The following SOS2 variants were observed in gnomAD, a reference collection of about 807,000 sequenced individuals.
SOS2 encodes SOS Ras/Rho guanine nucleotide exchange factor 2, also known as son of sevenless homolog 2.
SOS2 carries 65 observed loss-of-function variants against 148.2 expected under a neutral mutation model. The observed-to-expected ratio is 0.44, with a 90% CI of 0.36 to 0.54. The LOEUF (loss-of-function observed/expected upper bound fraction) is 0.54, where lower values mean the gene tolerates loss of function less well. Among genes scored for constraint, SOS2 ranks in the 20% least tolerant of loss-of-function variants. The probability of loss-of-function intolerance (pLI) is 0.00; values close to 1 mark genes in which losing one functional copy is unlikely to be tolerated. For synonymous variants in SOS2, 539 were observed against 537.1 expected (o/e 1.00, Z -0.05); for missense variants, 1,341 against 1,590.2 (o/e 0.84, Z 2.67).
chr14:50,182,064 A>G (rs1885760125), intron 6 of SOS2, among the ~76,000 whole-genome samples: 1 of 151,912 alleles, frequency 6.6e-6, no homozygotes, highest in African/African-American at 2.4e-5. Context: ...CTTTCACTAT[A>G]AATATTGCCA....
In SOS2 at chr14:50,130,546, A is replaced by C; in HGVS notation, c.3292T>G (p.Ser1098Ala). ...TPSTPPVSAS[S>A]DLSVFLDVDL... is the part of the protein sequence containing the mutation. ...ACATCTAAAAATACACTAAGGTCTG[A>C]AGAAGCAGATACTGGTGGAGTAGAT... Residue 1098 changes from serine (S) to alanine (A), a missense_variant, in exon 20 of 23, where the codon TCA (serine) becomes GCA (alanine). By Grantham distance (99) the Ser-to-Ala change is moderately conservative. Coordinates refer to ENST00000216373, the MANE Select transcript of SOS2 (RefSeq NM_006939.4). The C allele has an allele frequency of 6.2e-7, 1 of 1,614,042 alleles. No homozygotes were observed. The highest frequency in any genetic ancestry group is 1.1e-5 in the South Asian group (1 of 91,082).
chr14:50,159,816 T>C lies in SOS2; in HGVS notation c.1467A>G (p.Lys489=). Residue 489 remains lysine (K), a synonymous_variant, in exon 10 of 23, where the codon AAA becomes AAG. Coordinates refer to ENST00000216373, the MANE Select transcript of SOS2 (RefSeq NM_006939.4). ...GTATTTTCCTCATGACAAATTTTTC[T>C]TTTAACCTGTATTCTGCACTACTGT... ...PGYSSAEYRL[K]EKFVMRKIQI... 6.2e-7 allele frequency: 1 copy of C among 1,614,186 alleles called. No individual in the cohort carries two copies. Among genetic ancestry groups the C allele is most frequent in the Non-Finnish European group, 8.5e-7 (1 of 1,180,028 alleles).
intron 4 of SOS2, among the ~76,000 whole-genome samples, chr14:50,193,752 A>ATT (rs35785466): frequency 6.8e-4 from 98 of 143,894 alleles, no homozygotes; most frequent in African/African-American, 2.2e-3. Flanking sequence ...AGTCATCGGG[A>ATT]TTTTTTTTTT....
intron 1 of SOS2, among the ~76,000 whole-genome samples, chr14:50,211,356 G>C (rs1344366765): frequency 6.6e-6 from 1 of 151,978 alleles, no homozygotes; most frequent in Non-Finnish European, 1.5e-5. Flanking sequence ...TTAGATTAAG[G>C]GGGTATATGT....
chr14:50,220,879 TAAAGGCAGGTC>T (rs989935617), intron 1 of SOS2, among the ~76,000 whole-genome samples: 1 of 152,180 alleles, frequency 6.6e-6, no homozygotes, highest in Admixed American at 6.5e-5. Flanking sequence ...CACCTTCCCA[TAAAGGCAGGTC>T]ATTTGCTTGT....
intron 7 of SOS2, among the ~76,000 whole-genome samples, chr14:50,177,762 A>G (rs1340991766): frequency 6.6e-6 from 1 of 152,296 alleles, no homozygotes; most frequent in East Asian, 1.9e-4. Flanking sequence ...GGAAGATAAT[A>G]AACAATGGGA....
Position 50,190,198 on chromosome 14 carries a change from T to A in SOS2, c.511-1498A>T, listed in dbSNP as rs1886083888. 2.0e-5 allele frequency among the ~76,000 whole-genome samples: 3 copies of A among 151,920 alleles called. No individual in the cohort carries two copies. The South Asian group carries it at 6.2e-4, about 31-fold the overall frequency. ...TAATAATACTTTTTTTTAAAAAAAA[T>A]GATTGGACCTAGTTAATTATATATT... On this transcript the variant is annotated intron_variant, in intron 4 of 22. Transcript: ENST00000216373.
chr14:50,118,678 C>G lies in SOS2; in HGVS notation c.3665G>C (p.Arg1222Pro). ...ACAGTTTATAAAGTGTTCTGGAGGC[C>G]GAAGGGGAACTGGTGGAGGGGTATC... ...LPDTPPPVPL[R>P]PPEHFINCPF... Residue 1222 changes from arginine to proline, a missense_variant, in exon 23 of 23, where the codon CGG (arginine) becomes CCG (proline). This residue lies in a region of SOS2 where 354 missense variants were observed against 347.7 expected (regional missense o/e 1.02). Transcript: ENST00000216373. 1 of 1,612,334 alleles carries G rather than the reference C, an allele frequency of 6.2e-7. No individual in the cohort carries two copies. The highest frequency in any genetic ancestry group is 8.5e-7 in the Non-Finnish European group (1 of 1,179,628).
chr14:50,189,739 G>T (rs1321779925), intron 4 of SOS2, among the ~76,000 whole-genome samples: 1 of 152,142 alleles, frequency 6.6e-6, no homozygotes, highest in Non-Finnish European at 1.5e-5. Flanking sequence ...TTAAATTGTT[G>T]TAGCAACCAC....
chr14:50,215,079 G>A (rs1019826317), intron 1 of SOS2, among the ~76,000 whole-genome samples: 4 of 151,490 alleles, frequency 2.6e-5, no homozygotes. Flanking sequence ...CTCGTGATCT[G>A]CCCGCCTCGT....
At position 50,201,532 on chromosome 14, in the gene SOS2, GAA is replaced by G. The variant is rs11342999; in HGVS notation, c.214-450_214-449del. ...CTGGGTGAGAGGGAGACCCCCAACA[GAA>G]AAAAAAAAAAAAAAAAAGGTCAACA... On this transcript the variant is annotated intron_variant, in intron 2 of 22. Coordinates refer to ENST00000216373, the MANE Select transcript of SOS2 (RefSeq NM_006939.4). Among the ~76,000 whole-genome samples the G allele has an allele frequency of 9.8e-3, 886 of 90,576 alleles. 6 individuals are homozygous for G. Among genetic ancestry groups the G allele is most frequent in the African/African-American group, 0.018 (421 of 22,912 alleles). 59.4% of individuals were successfully genotyped at this position (90,576 alleles called of 152,430 possible).
chr14:50,215,408 T>C (rs937420663), intron 1 of SOS2: 1 of 1,284,932 alleles, frequency 7.8e-7, no homozygotes, highest in Non-Finnish European at 1.0e-6. Context: ...AAGAGGACAA[T>C]GGAAGAGAAC....
At chr14:50,219,418 A>C (rs367569102) in intron 1 of SOS2, among the ~76,000 whole-genome samples, 11 of 152,230 alleles carry the variant, frequency 7.2e-5, no homozygotes, top group African/African-American at 2.4e-4. Context: ...CAGATTGAAA[A>C]AAAAGAGTAT....
Position 50,118,822 on chromosome 14 carries a change from G to A in SOS2, c.3521C>T (p.Ala1174Val), listed in dbSNP as rs1205489039. Residue 1174 changes from alanine (A) to valine (V), a missense_variant, in exon 23 of 23, where the codon GCT becomes GTT. Around this residue, in one of 4 missense-constraint regions of SOS2, gnomAD observed 354 missense variants for 347.7 expected, o/e 1.02. Coordinates refer to ENST00000216373, the MANE Select transcript of SOS2 (RefSeq NM_006939.4). The stretch of plus-strand genomic sequence containing the variant: ...AGGAGGAGGCTGTCTCGGTGGAATA[G>A]CAGGAGGATCATCATCAGATTTCAT... ...GNMKSDDDPP[A>V]IPPRQPPPPK... The A allele has an allele frequency of 5.3e-6, 8 of 1,500,724 alleles. No homozygotes were observed. Among genetic ancestry groups the A allele is most frequent in the Non-Finnish European group, 7.2e-6 (8 of 1,118,004 alleles). 93.0% of individuals were successfully genotyped at this position (1,500,724 alleles called of 1,614,324 possible).
chr14:50,170,130 A>G (rs1885313621), intron 8 of SOS2, among the ~76,000 whole-genome samples: 1 of 146,942 alleles, frequency 6.8e-6, no homozygotes, highest in Non-Finnish European at 1.5e-5. Context: ...ACAAGGTCTC[A>G]CTTTGTTGCC....
chr14:50,132,389 G>A (rs1343512274), intron 19 of SOS2, among the ~76,000 whole-genome samples: 1 of 145,240 alleles, frequency 6.9e-6, no homozygotes, highest in Non-Finnish European at 1.5e-5. Flanking sequence ...GGCTGGGCAT[G>A]GTGGCTCACA....
At chr14:50,201,843 G>C (rs1543425) in intron 2 of SOS2, among the ~76,000 whole-genome samples, 133,152 of 152,190 alleles carry the variant, frequency 0.87, 58,329 homozygotes, top group East Asian at 0.91. Flanking sequence ...AAATAAAAGA[G>C]GTCATGTATC....
At chr14:50,212,195 G>T (rs747700403) in intron 1 of SOS2, among the ~76,000 whole-genome samples, 10 of 152,244 alleles carry the variant, frequency 6.6e-5, no homozygotes, top group Admixed American at 2.0e-4. Context: ...ATCAAAACAG[G>T]CCAGGCGCGG....
chr14:50,130,627 T>C lies in SOS2; in HGVS notation c.3211A>G (p.Ile1071Val), dbSNP rs775131538. 4.2e-5 allele frequency: 67 copies of C among 1,614,078 alleles called. 3 individuals carry two copies. The South Asian group carries it at 6.8e-4, about 16-fold the overall frequency. Residue 1071 changes from isoleucine to valine, a missense_variant, in exon 20 of 23, where the codon ATT (isoleucine) becomes GTT (valine). Transcript: ENST00000216373. ...GTTGATTCCAGCTCAGTTTCAGCAATCCGACTAAAGCTTATTTTACATGGT... is the reference window on the plus strand; with the variant it reads ...GTTGATTCCAGCTCAGTTTCAGCAACCCGACTAAAGCTTATTTTACATGGT... ...REPCKISFSR[I>V]AETELESTVS...
Sources: gnomAD v4.1 joint callset for allele counts (sites outside exome capture counted in the v4.1 genomes callset) on GRCh38, gnomAD v4.1.1 for gene constraint, gnomAD v4.1.1 regional missense constraint, MANE v1.5 for transcripts, NCBI Gene and HGNC (gene_info 2026-07-23, HGNC 2026-07-21) for gene names.